PTDSS1: variants seen among roughly 807,000 people sequenced by gnomAD.
PTDSS1 encodes phosphatidylserine synthase 1, also known as PSS-1.
In PTDSS1, 45 loss-of-function variants were observed where a neutral mutation model predicts 70.5. The observed-to-expected ratio is 0.64, with a 90% CI of 0.50 to 0.82. The LOEUF (loss-of-function observed/expected upper bound fraction) is 0.82. Ranked by LOEUF, PTDSS1 falls within the 40% of genes least tolerant of loss-of-function variation. The pLI is 0.00. For synonymous variants in PTDSS1, 188 were observed against 203.8 expected (o/e 0.92, Z 0.66); for missense variants, 417 against 586.1 (o/e 0.71, Z 2.98).
At chr8:96,285,033 C>T (rs543700589) in intron 3 of PTDSS1, among the ~76,000 whole-genome samples, 32 of 152,250 alleles carry the variant, frequency 2.1e-4, no homozygotes, top group African/African-American at 6.5e-4. Context: ...CACTTGGAGA[C>T]AAAGGACAGC....
At chr8:96,330,378 T>C in intron 11 of PTDSS1, 97 bp downstream of exon 11, 2 of 1,228,086 alleles carry the variant, frequency 1.6e-6, no homozygotes, top group Admixed American at 3.9e-5. Flanking sequence ...TATGGCGAGG[T>C]AAACACTGAG....
chr8:96,287,635 C>T (rs981598186), intron 4 of PTDSS1, among the ~76,000 whole-genome samples: 1 of 152,182 alleles, frequency 6.6e-6, no homozygotes, highest in African/African-American at 2.4e-5. Context: ...CAATGTCACT[C>T]TCAGCACCTG....
chr8:96,302,887 A>G (rs1355619574), intron 6 of PTDSS1, among the ~76,000 whole-genome samples: 4 of 152,112 alleles, frequency 2.6e-5, no homozygotes, highest in African/African-American at 9.7e-5. Flanking sequence ...TGGCCTCAGG[A>G]TGTCTGCTTT....
intron 2 of PTDSS1, among the ~76,000 whole-genome samples, chr8:96,281,608 C>T (rs1034350146): frequency 6.6e-6 from 1 of 152,170 alleles, no homozygotes; most frequent in African/African-American, 2.4e-5. Flanking sequence ...GCCTTTCCCC[C>T]TGTTGCATCG....
intron 6 of PTDSS1, among the ~76,000 whole-genome samples, chr8:96,301,606 G>A (rs1002603825): frequency 4.6e-5 from 7 of 151,438 alleles, no homozygotes; most frequent in Admixed American, 1.3e-4. Flanking sequence ...TGCAACCTCC[G>A]CCTCCCAGGT....
At chr8:96,274,083 A>G (rs16894398) in intron 2 of PTDSS1, among the ~76,000 whole-genome samples, 2,814 of 150,958 alleles carry the variant, frequency 0.019, 83 homozygotes, top group African/African-American at 0.065. Context: ...TTCCACTAGA[A>G]TATTCTCTAC....
At chr8:96,306,380 A>G (rs566225208) in intron 7 of PTDSS1, 64 bp from the exon 8 acceptor site, 1 of 1,113,188 alleles carries the variant, frequency 9.0e-7, no homozygotes, top group Admixed American at 1.8e-5. Context: ...ATGTCTATTT[A>G]AGGAATAGAG....
chr8:96,320,343 G>C lies in PTDSS1; in HGVS notation c.1171G>C (p.Val391Leu), dbSNP rs781468003. 7 of 1,601,878 alleles carry C rather than the reference G, an allele frequency of 4.4e-6. No individual in the cohort carries two copies. The highest frequency in any genetic ancestry group is 6.0e-6 in the Non-Finnish European group (7 of 1,169,008). ...ILYVVLWLLCVAFTTFLCLYG... is the reference protein window; with the variant it reads ...ILYVVLWLLCLAFTTFLCLYG... ...CTATGTTGTGCTTTGGCTTCTTTGCGTGGTAAGTCACTGCATTTTACCCAA... is the reference window on the plus strand; with the variant it reads ...CTATGTTGTGCTTTGGCTTCTTTGCCTGGTAAGTCACTGCATTTTACCCAA... The change falls in exon 10 of 13, where the codon GTG (valine) becomes CTG (leucine). Residue 391 changes from valine (V) to leucine (L), a missense_variant and splice_region_variant. By Grantham distance (32) the Val-to-Leu change is conservative. This residue lies in a region of PTDSS1 where 107 missense variants were observed against 122.3 expected (regional missense o/e 0.88). Coordinates refer to ENST00000517309, the MANE Select transcript of PTDSS1 (RefSeq NM_014754.3).
chr8:96,325,828 G>A (rs980960462), intron 10 of PTDSS1, among the ~76,000 whole-genome samples: 10 of 152,196 alleles, frequency 6.6e-5, no homozygotes, highest in African/African-American at 2.4e-4. Context: ...ATAGAGGAAA[G>A]TTATGGGGAT....
At chr8:96,264,986 C>T (rs73271818) in intron 1 of PTDSS1, among the ~76,000 whole-genome samples, 2,533 of 152,250 alleles carry the variant, frequency 0.017, 68 homozygotes, top group African/African-American at 0.058. Flanking sequence ...TAATAGAATT[C>T]GTACTTACTA....
intron 2 of PTDSS1, among the ~76,000 whole-genome samples, chr8:96,277,614 C>T (rs768519687): frequency 3.3e-5 from 5 of 152,216 alleles, no homozygotes; most frequent in East Asian, 1.9e-4. Flanking sequence ...ATAGCATGTC[C>T]GGAAAAATTT....
rs1370140816 is a variant in PTDSS1, at chr8:96,287,018, T to C, written c.317-4T>C. The stretch of plus-strand genomic sequence containing the variant: ...AAACTTCAGCATGTTTTTGTTTCTC[T>C]CAGGACTCAGTGTGCTCTACTTCCT... On this transcript the variant is annotated splice_region_variant and splice_polypyrimidine_tract_variant and intron_variant, in intron 3 of 12. Transcript: ENST00000517309. The C allele has an allele frequency of 1.2e-6, 2 of 1,613,904 alleles. No homozygotes were observed. The highest frequency in any genetic ancestry group is 1.7e-6 in the Non-Finnish European group (2 of 1,179,924).
intron 4 of PTDSS1, among the ~76,000 whole-genome samples, chr8:96,294,398 T>C (rs1810946730): frequency 6.6e-6 from 1 of 152,214 alleles, no homozygotes; most frequent in South Asian, 2.1e-4. Flanking sequence ...CATATTGTCA[T>C]GCAGTCATAT....
rs547525122 is a variant in PTDSS1, at chr8:96,296,284, G to A, written c.600+1028G>A. ...CTCCCGAGTAGCTGGAACTACAGGC[G>A]TGTGCCACCACGCCCAGCTAATTTT... On this transcript the variant is annotated intron_variant, in intron 5 of 12. Transcript: ENST00000517309. Among the ~76,000 whole-genome samples the A allele has an allele frequency of 3.3e-4, 50 of 152,036 alleles. 1 individual carries two copies. The South Asian group carries it at 8.1e-3, about 25-fold the overall frequency.
intron 10 of PTDSS1, among the ~76,000 whole-genome samples, chr8:96,328,609 C>T (rs1375845591): frequency 1.3e-5 from 2 of 152,200 alleles, no homozygotes; most frequent in East Asian, 1.9e-4. Context: ...TCTCTCTCCA[C>T]GCTGCCACTG....
intron 12 of PTDSS1, among the ~76,000 whole-genome samples, 177 bp from the exon 13 acceptor site, chr8:96,333,280 C>CT: frequency 6.6e-6 from 1 of 152,254 alleles, no homozygotes; most frequent in Non-Finnish European, 1.5e-5. Flanking sequence ...CGCGTGTGCT[C>CT]CTTCAGTACT....
chr8:96,262,263 GAAGAGGCGGGA>G lies in PTDSS1; in HGVS notation c.179+45_179+55del. ...GCGGGGGGCGCGTCCAAGGGCTAGG[GAAGAGGCGGGA>G]GGGAGGGTGGCGGGGAGGGGGGCCC... On this transcript the variant is annotated intron_variant, in intron 1 of 12. Transcript: ENST00000517309. The surrounding 1 kb of genome is among the most constrained non-coding windows in gnomAD (Gnocchi z 4.4). 1 of 763,952 alleles carries G rather than the reference GAAGAGGCGGGA, an allele frequency of 1.3e-6. No homozygotes were observed. The highest frequency in any genetic ancestry group is 2.1e-6 in the Non-Finnish European group (1 of 481,268). 47.3% of individuals were successfully genotyped at this position (763,952 alleles called of 1,614,324 possible).
rs745682852 is a variant in PTDSS1 at position 96,262,205 on chromosome 8, C to T, written c.165C>T (p.Tyr55=). 1.9e-6 allele frequency: 3 copies of T among 1,605,172 alleles called. No individual in the cohort carries two copies. Among genetic ancestry groups the T allele is most frequent in the South Asian group, 1.1e-5 (1 of 90,948 alleles). ...GCTTCACCATCGTCAGCCTCATGTA[C>T]TTCGCCTTTACCAGGTGGGGCGGCC... ...LLSFTIVSLM[Y]FAFTRDDSVP... Residue 55 remains tyrosine (Y), a synonymous_variant, in exon 1 of 13, where the codon TAC becomes TAT. Coordinates refer to ENST00000517309, the MANE Select transcript of PTDSS1 (RefSeq NM_014754.3). The surrounding 1 kb of genome is among the most constrained non-coding windows in gnomAD (Gnocchi z 4.4).
intron 10 of PTDSS1, 91 bp downstream of exon 10, chr8:96,320,436 A>G (rs1811358936): frequency 9.2e-7 from 1 of 1,083,332 alleles, no homozygotes; most frequent in East Asian, 2.4e-5. Flanking sequence ...CTTGTGTATC[A>G]AAGTTCCTTA....
Sources: allele counts gnomAD v4.1 joint callset (sites outside exome capture counted in the v4.1 genomes callset), GRCh38; gene constraint gnomAD v4.1.1; regional missense constraint gnomAD v4.1.1; non-coding constraint Gnocchi (gnomAD v3.1); transcripts MANE v1.5; gene names NCBI Gene and HGNC (gene_info 2026-07-23, HGNC 2026-07-21).